The following RANBP2 variants were observed in gnomAD, a reference collection of about 807,000 sequenced individuals.
RANBP2 encodes the protein E3 SUMO-protein ligase RanBP2.
In RANBP2, 57 loss-of-function variants were observed where a neutral mutation model predicts 303.6. That is an observed-to-expected ratio of 0.19 (90% CI 0.15 to 0.23). RANBP2 has a LOEUF of 0.23. RANBP2 is among the 10% of genes least tolerant of loss of function. The pLI is 1.00. For synonymous variants in RANBP2, 1,167 were observed against 1,301.5 expected, an observed-to-expected ratio of 0.90 and a Z score of 2.23; for missense variants, 3,138 against 3,780.8, an observed-to-expected ratio of 0.83 and a Z score of 4.46.
the RANBP2 span, among the ~76,000 whole-genome samples, chr2:109,070,911 C>T: frequency 6.6e-6 from 1 of 151,964 alleles, no homozygotes. Flanking sequence ...CACTGTTGCT[C>T]CCTCTCTCGC....
the RANBP2 span, among the ~76,000 whole-genome samples, chr2:109,215,361 G>C: frequency 6.6e-6 from 1 of 152,188 alleles, no homozygotes; most frequent in Non-Finnish European, 1.5e-5. Context: ...CACCAGAGAA[G>C]GGAGGGTGCA....
chr2:109,540,230 G>C, the RANBP2 span, among the ~76,000 whole-genome samples: 39 of 152,222 alleles, frequency 2.6e-4, no homozygotes, highest in East Asian at 7.6e-3. Context: ...ACATGTGCTC[G>C]AGGCATTCCC....
the RANBP2 span, among the ~76,000 whole-genome samples, chr2:109,235,339 G>T: frequency 6.6e-6 from 1 of 152,104 alleles, no homozygotes; most frequent in Non-Finnish European, 1.5e-5. Flanking sequence ...CCACCCTAGG[G>T]ATCTCTAAGG....
At chr2:109,107,205 G>A in the RANBP2 span, among the ~76,000 whole-genome samples, 6 of 149,520 alleles carry the variant, frequency 4.0e-5, no homozygotes, top group Non-Finnish European at 8.8e-5. Context: ...GATTATAGGC[G>A]TGAGCCACCG....
chr2:108,747,603 C>A (rs1415673756), intron 8 of RANBP2, among the ~76,000 whole-genome samples: 1 of 151,934 alleles, frequency 6.6e-6, no homozygotes, highest in Admixed American at 6.6e-5. Context: ...TTCCTTCTAC[C>A]CTTGCAGGGC....
the RANBP2 span, chr2:109,449,094 C>A: frequency 6.7e-7 from 1 of 1,499,898 alleles, no homozygotes; most frequent in South Asian, 1.3e-5. Context: ...CCTGAGTGTG[C>A]ATTGCAGCTG....
At chr2:109,424,888 C>CT in the RANBP2 span, among the ~76,000 whole-genome samples, 1 of 152,150 alleles carries the variant, frequency 6.6e-6, no homozygotes, top group Admixed American at 6.5e-5. Flanking sequence ...ACATCTCTCA[C>CT]TTTAAGTCAA....
the RANBP2 span, among the ~76,000 whole-genome samples, chr2:108,920,574 C>A: frequency 7.9e-5 from 12 of 152,174 alleles, no homozygotes; most frequent in African/African-American, 2.9e-4. Flanking sequence ...TCACTGAGTA[C>A]AGGCTCAGAG....
chr2:109,257,991 C>T, the RANBP2 span, among the ~76,000 whole-genome samples: 4 of 119,750 alleles, frequency 3.3e-5, no homozygotes, highest in Non-Finnish European at 5.5e-5. Context: ...ATTGTCACCA[C>T]ATGTGCACAC....
chr2:109,715,634 T>C, the RANBP2 span, among the ~76,000 whole-genome samples: 4 of 152,188 alleles, frequency 2.6e-5, no homozygotes, highest in Admixed American at 6.5e-5. Context: ...CTTTGGGTTT[T>C]TATGTAGGCT....
chr2:109,735,890 G>A, the RANBP2 span, among the ~76,000 whole-genome samples: 2 of 152,150 alleles, frequency 1.3e-5, no homozygotes, highest in African/African-American at 4.8e-5. Context: ...AATTTGCACA[G>A]AAATGGAAAA....
chr2:108,765,788 C>T lies in RANBP2; in HGVS notation c.5249C>T (p.Pro1750Leu). ...ACCAAATGTATTGCTTGTCAGTGTC[C>T]AAGTAAACAAAATCAAACAACTGCA... ...SATKCIACQCPSKQNQTTAIS... is the reference protein window; with the variant it reads ...SATKCIACQCLSKQNQTTAIS... Residue 1750 changes from proline (P) to leucine (L), a missense_variant, in exon 20 of 29, where the codon CCA (proline) becomes CTA (leucine). Transcript: ENST00000283195. 1 of 1,614,024 alleles carries T rather than the reference C, an allele frequency of 6.2e-7. No individual in the cohort carries two copies. Among genetic ancestry groups the T allele is most frequent in the Non-Finnish European group, 8.5e-7 (1 of 1,179,998 alleles).
chr2:108,787,992 T>C, downstream of RANBP2: 2 of 1,428,584 alleles, frequency 1.4e-6, no homozygotes, highest in Non-Finnish European at 1.9e-6. Context: ...AGTAAATTGA[T>C]TTTTAGTATA....
the RANBP2 span, among the ~76,000 whole-genome samples, chr2:109,267,891 A>G: frequency 6.7e-6 from 1 of 150,210 alleles, no homozygotes; most frequent in Non-Finnish European, 1.5e-5. Flanking sequence ...GGGAGAAAGG[A>G]GCTGCTGCAG....
chr2:109,700,945 A>C, the RANBP2 span, among the ~76,000 whole-genome samples: 1 of 152,176 alleles, frequency 6.6e-6, no homozygotes, highest in East Asian at 1.9e-4. Context: ...CAAGGGCAAA[A>C]GAGCGTTTGT....
the RANBP2 span, among the ~76,000 whole-genome samples, chr2:109,554,039 T>C: frequency 3.5e-4 from 53 of 152,296 alleles, no homozygotes; most frequent in African/African-American, 1.3e-3. Context: ...ACAAAAACAT[T>C]ACCAAACTTC....
the RANBP2 span, among the ~76,000 whole-genome samples, chr2:109,456,844 A>G: frequency 2.4e-3 from 367 of 152,358 alleles, no homozygotes; most frequent in African/African-American, 8.2e-3. Flanking sequence ...ATTCTCTGCT[A>G]CTGCTAGTCA....
chr2:108,891,220 C>T, the RANBP2 span, among the ~76,000 whole-genome samples: 388 of 152,256 alleles, frequency 2.5e-3, 5 homozygotes, highest in African/African-American at 9.0e-3. Context: ...CCTTTAGAGG[C>T]GTCACATTTC....
the RANBP2 span, among the ~76,000 whole-genome samples, chr2:109,115,608 T>C: frequency 6.6e-6 from 1 of 152,250 alleles, no homozygotes; most frequent in Non-Finnish European, 1.5e-5. Context: ...TGTCTTTTAA[T>C]TGGAGCATTT....
Sources: allele counts gnomAD v4.1 joint callset (sites outside exome capture counted in the v4.1 genomes callset), GRCh38; gene constraint gnomAD v4.1.1; transcripts MANE v1.5; gene names NCBI Gene and HGNC (gene_info 2026-07-23, HGNC 2026-07-21).